Variants in ARL15 observed in about 807,000 individuals in gnomAD.
ARL15 encodes the protein ADP-ribosylation factor-like protein 15.
ARL15 carries 19 observed loss-of-function variants against 25.2 expected under a neutral mutation model. The ratio of observed to expected loss-of-function variants is 0.75; its 90% CI spans 0.53 to 1.10. ARL15 has a LOEUF of 1.10. Ranked by LOEUF, ARL15 falls within the 50% of genes least tolerant of loss-of-function variation. The pLI, the probability that ARL15 is intolerant of heterozygous loss-of-function variation, is 0.00. For missense variants in ARL15, 220 were observed against 246.0 expected, an observed-to-expected ratio of 0.89 and a Z score of 0.71; for synonymous variants, 94 against 86.8, an observed-to-expected ratio of 1.08 and a Z score of -0.46.
intron 4 of ARL15, among the ~76,000 whole-genome samples, chr5:53,977,220 G>A (rs1027018653): frequency 1.3e-5 from 2 of 152,036 alleles, no homozygotes; most frequent in African/African-American, 4.8e-5. Flanking sequence ...AGCCGGGCGT[G>A]GTGGCGGGCG....
At chr5:54,023,566 C>T (rs980804221) in intron 4 of ARL15, among the ~76,000 whole-genome samples, 3 of 151,702 alleles carry the variant, frequency 2.0e-5, no homozygotes, top group African/African-American at 7.3e-5. Flanking sequence ...TATATGTACA[C>T]ATTATACCGT....
chr5:53,894,236 G>A (rs573800894), intron 4 of ARL15, among the ~76,000 whole-genome samples: 21 of 152,300 alleles, frequency 1.4e-4, no homozygotes, highest in African/African-American at 4.8e-4. Flanking sequence ...ACAAATAATT[G>A]CAGGTAATCA....
At chr5:54,299,584 CTTTTTT>C (rs752417066) in intron 1 of ARL15, among the ~76,000 whole-genome samples, 2 of 79,558 alleles carry the variant, frequency 2.5e-5, no homozygotes, top group Admixed American at 3.9e-4. Flanking sequence ...TAGCTATTAG[CTTTTTT>C]TTTTTTTTTT....
chr5:54,210,272 A>C (rs1291940398), intron 1 of ARL15, among the ~76,000 whole-genome samples: 1 of 152,086 alleles, frequency 6.6e-6, no homozygotes, highest in Non-Finnish European at 1.5e-5. Flanking sequence ...TCCCAATCAA[A>C]TTATAATTTT....
chr5:54,182,414 C>G (rs1755086846), intron 1 of ARL15, among the ~76,000 whole-genome samples: 1 of 148,576 alleles, frequency 6.7e-6, no homozygotes, highest in Non-Finnish European at 1.5e-5. Flanking sequence ...GAATCCTTTC[C>G]CCATTGCCTG....
At chr5:54,096,444 T>C (rs543372179) in intron 4 of ARL15, among the ~76,000 whole-genome samples, 1 of 152,302 alleles carries the variant, frequency 6.6e-6, no homozygotes, top group South Asian at 2.1e-4. Flanking sequence ...AACCAAGTCT[T>C]GTCCCGTCAC....
At chr5:54,232,298 C>T (rs1403623929) in intron 1 of ARL15, among the ~76,000 whole-genome samples, 3 of 152,102 alleles carry the variant, frequency 2.0e-5, no homozygotes, top group Non-Finnish European at 2.9e-5. Context: ...TGTCTGTTCA[C>T]GGCTGCAACC....
rs184951110 is a variant in ARL15, at chr5:54,045,948, C to A, written c.462+67254G>T. 5.3e-5 allele frequency among the ~76,000 whole-genome samples: 8 copies of A among 152,328 alleles called. No individual in the cohort carries two copies. In the East Asian group the frequency reaches 1.5e-3, roughly 29 times the overall value. On this transcript the variant is annotated intron_variant, in intron 4 of 4. Coordinates refer to ENST00000504924, the MANE Select transcript of ARL15 (RefSeq NM_019087.3). ...TTGGTATTTCCTGCATTACCTATGA[C>A]TGCTTTCTTTCCTCATGGAAGGGTA...
intron 3 of ARL15, among the ~76,000 whole-genome samples, chr5:54,125,087 T>G (rs1010630120): frequency 4.1e-5 from 6 of 145,788 alleles, no homozygotes; most frequent in African/African-American, 1.6e-4. Context: ...TTTGTTTTGT[T>G]TTTTTTTTTT....
chr5:53,902,887 A>C (rs1187399085), intron 4 of ARL15, among the ~76,000 whole-genome samples: 2 of 152,192 alleles, frequency 1.3e-5, no homozygotes, highest in East Asian at 3.9e-4. Context: ...GAGCTGAGGC[A>C]GAAAAAGCTG....
chr5:54,184,435 T>G (rs1416618502), intron 1 of ARL15, among the ~76,000 whole-genome samples: 1 of 82,524 alleles, frequency 1.2e-5, no homozygotes, highest in Admixed American at 2.0e-4. Context: ...AGTAACACTG[T>G]CTTTAAAAAA....
intron 2 of ARL15, 81 bp downstream of exon 2, chr5:54,171,702 AG>A: frequency 7.0e-6 from 10 of 1,436,270 alleles, no homozygotes; most frequent in Non-Finnish European, 8.4e-6. Context: ...TATAAGTAGA[AG>A]GGAGGGGATA....
intron 4 of ARL15, among the ~76,000 whole-genome samples, chr5:54,013,480 G>A (rs1239997247): frequency 6.6e-6 from 1 of 152,146 alleles, no homozygotes; most frequent in Non-Finnish European, 1.5e-5. Flanking sequence ...TCCTTGTTCA[G>A]GGACTGAAAC....
intron 1 of ARL15, among the ~76,000 whole-genome samples, chr5:54,278,845 T>A (rs1757983281): frequency 6.6e-6 from 1 of 152,216 alleles, no homozygotes; most frequent in South Asian, 2.1e-4. Context: ...CTGGATACCC[T>A]TTGTTGTCTC....
chr5:54,212,331 T>C (rs1756066230), intron 1 of ARL15, among the ~76,000 whole-genome samples: 1 of 152,178 alleles, frequency 6.6e-6, no homozygotes. Flanking sequence ...AGATGTCACA[T>C]TTCTGTTTAA....
At chr5:53,977,094 C>G (rs1036428475) in intron 4 of ARL15, among the ~76,000 whole-genome samples, 2 of 152,168 alleles carry the variant, frequency 1.3e-5, no homozygotes, top group Non-Finnish European at 2.9e-5. Flanking sequence ...TGCGGTGGCT[C>G]ACGCCTGTAA....
At chr5:53,915,456 T>C (rs956766092) in intron 4 of ARL15, among the ~76,000 whole-genome samples, 3 of 152,232 alleles carry the variant, frequency 2.0e-5, no homozygotes, top group African/African-American at 7.2e-5. Context: ...CCTGTCTTGA[T>C]AGTTGCTAAC....
chr5:54,299,892 T>C (rs2112709843), intron 1 of ARL15, among the ~76,000 whole-genome samples: 1 of 152,226 alleles, frequency 6.6e-6, no homozygotes, highest in African/African-American at 2.4e-5. Flanking sequence ...TGGCCCTAGG[T>C]ATTAGTTTTA....
chr5:54,019,085 GTTAA>G (rs1248348583), intron 4 of ARL15, among the ~76,000 whole-genome samples: 3 of 151,718 alleles, frequency 2.0e-5, no homozygotes, highest in South Asian at 2.1e-4. Context: ...AAATATGTAT[GTTAA>G]TTTATTTATA....
Sources: gnomAD v4.1 joint callset for allele counts (sites outside exome capture counted in the v4.1 genomes callset) on GRCh38, gnomAD v4.1.1 for gene constraint, MANE v1.5 for transcripts, NCBI Gene and HGNC (gene_info 2026-07-23, HGNC 2026-07-21) for gene names.